The following GALNT2 variants were observed in gnomAD, a reference collection of about 807,000 sequenced individuals.
The protein encoded by GALNT2 is UDP-GalNAc:polypeptide N-acetylgalactosaminyltransferase 2.
GALNT2 carries 31 observed loss-of-function variants against 81.4 expected under a neutral mutation model. The observed-to-expected ratio is 0.38, with a 90% CI of 0.29 to 0.51. The LOEUF (loss-of-function observed/expected upper bound fraction) is 0.51. Among genes scored for constraint, GALNT2 ranks in the 20% least tolerant of loss-of-function variants. The pLI is 0.87. For missense variants in GALNT2, 629 were observed against 765.7 expected (o/e 0.82, Z 2.11); for synonymous variants, 303 against 287.4 (o/e 1.05, Z -0.55).
intron 1 of GALNT2, among the ~76,000 whole-genome samples, chr1:230,144,512 C>G (rs11122400): frequency 0.43 from 65,077 of 151,952 alleles, 14,177 homozygotes; most frequent in Non-Finnish European, 0.47. Context: ...ATAATTATGT[C>G]GACTTCAGTA....
Position 230,215,624 on chromosome 1 carries a change from C to T in GALNT2, c.374+12334C>T, listed in dbSNP as rs535232090. 4.6e-5 allele frequency among the ~76,000 whole-genome samples: 7 copies of T among 152,280 alleles called. No individual in the cohort carries two copies. In the South Asian group the frequency reaches 8.3e-4, roughly 18 times the overall value. On this transcript the variant is annotated intron_variant, in intron 3 of 15. Coordinates refer to ENST00000366672, the MANE Select transcript of GALNT2 (RefSeq NM_004481.5). ...TTGCCCTGAGCAATAATGTCTATCTCGAAGGAGAGTAAATGGAAATACAGG... is the reference window on the plus strand; with the variant it reads ...TTGCCCTGAGCAATAATGTCTATCTTGAAGGAGAGTAAATGGAAATACAGG...
At chr1:230,234,843 C>G (rs1664976182) in intron 3 of GALNT2, among the ~76,000 whole-genome samples, 1 of 152,160 alleles carries the variant, frequency 6.6e-6, no homozygotes, top group African/African-American at 2.4e-5. Context: ...TCTGCTGAGC[C>G]CGGTAAACCT....
intron 6 of GALNT2, among the ~76,000 whole-genome samples, chr1:230,240,562 A>T (rs1158022324): frequency 2.0e-5 from 3 of 152,210 alleles, no homozygotes; most frequent in Admixed American, 6.5e-5. Context: ...ACTGCACTCC[A>T]GCTTGAGTGA....
chr1:230,194,494 C>T (rs1226352071), intron 2 of GALNT2, among the ~76,000 whole-genome samples: 1 of 152,192 alleles, frequency 6.6e-6, no homozygotes, highest in African/African-American at 2.4e-5. Context: ...TAACCTGGGC[C>T]CATCCCCTCT....
At chr1:230,206,974 C>T (rs1002345372) in intron 3 of GALNT2, among the ~76,000 whole-genome samples, 1 of 151,840 alleles carries the variant, frequency 6.6e-6, no homozygotes, top group African/African-American at 2.4e-5. Flanking sequence ...CCCCCTGACC[C>T]CCACTCCAAA....
chr1:230,156,309 C>T (rs939970827), intron 1 of GALNT2, among the ~76,000 whole-genome samples: 1 of 151,796 alleles, frequency 6.6e-6, no homozygotes, highest in Non-Finnish European at 1.5e-5. Context: ...GGGGAGAAAA[C>T]TCCTTGCATT....
chr1:230,212,446 G>A (rs532429675), intron 3 of GALNT2, among the ~76,000 whole-genome samples: 5 of 152,284 alleles, frequency 3.3e-5, no homozygotes, highest in South Asian at 2.1e-4. Flanking sequence ...TCAGATTCTC[G>A]AAGAAAATGT....
chr1:230,081,656 C>T (rs1050341886), intron 1 of GALNT2, among the ~76,000 whole-genome samples: 3 of 152,172 alleles, frequency 2.0e-5, no homozygotes, highest in African/African-American at 7.2e-5. Context: ...CTAGTTCTGT[C>T]AATTAGAAAA....
intron 1 of GALNT2, among the ~76,000 whole-genome samples, chr1:230,151,060 T>C (rs1056034354): frequency 6.6e-6 from 1 of 152,198 alleles, no homozygotes; most frequent in African/African-American, 2.4e-5. Flanking sequence ...ACTACCTGGG[T>C]TGCCTGGAGC....
chr1:230,157,252 C>G (rs1662286419), intron 1 of GALNT2, among the ~76,000 whole-genome samples: 2 of 152,124 alleles, frequency 1.3e-5, no homozygotes, highest in Non-Finnish European at 1.5e-5. Context: ...TCGTAAGCAC[C>G]ATTATAGCAA....
intron 12 of GALNT2, 30 bp from the exon 13 acceptor site, chr1:230,262,892 A>G (rs766054067): frequency 6.3e-7 from 1 of 1,598,008 alleles, no homozygotes; most frequent in East Asian, 2.2e-5. Context: ...CTTAAAATTT[A>G]TAAAGGAATC....
Position 230,227,818 on chromosome 1 carries a change from G to A in GALNT2, c.375-8196G>A, listed in dbSNP as rs192740917. Among the ~76,000 whole-genome samples the A allele has an allele frequency of 3.6e-4, 55 of 152,256 alleles. 1 individual carries two copies. Among genetic ancestry groups the A allele is most frequent in the Admixed American group, 3.6e-3 (55 of 15,292 alleles). ...CTGCTTGTGTTCAATTTAAAGATAGGATCAAGGCAAGGTTGTTTTTTACCA... is the reference window on the plus strand; with the variant it reads ...CTGCTTGTGTTCAATTTAAAGATAGAATCAAGGCAAGGTTGTTTTTTACCA... On this transcript the variant is annotated intron_variant, in intron 3 of 15. Transcript: ENST00000366672.
Position 230,275,081 on chromosome 1 carries a change from C to A in GALNT2, c.1560+517C>A, listed in dbSNP as rs555430299. Among the ~76,000 whole-genome samples, 2 of 149,110 alleles carry A rather than the reference C, an allele frequency of 1.3e-5. No homozygotes were observed. The highest frequency in any genetic ancestry group is 3.0e-5 in the Non-Finnish European group (2 of 67,332). On this transcript the variant is annotated intron_variant, in intron 15 of 15. Transcript: ENST00000366672. This position sits in a 1 kb window ranked among gnomAD's most constrained non-coding sequence, Gnocchi z 5.5. ...ACATATATACGTATATATATACACA[C>A]CACATATATATACATGTATACACAC...
chr1:230,216,194 C>G (rs6541306), intron 3 of GALNT2, among the ~76,000 whole-genome samples: 2 of 152,026 alleles, frequency 1.3e-5, no homozygotes, highest in Admixed American at 1.3e-4. Flanking sequence ...CTTTGCCCCC[C>G]GTCGTGGAAC....
intron 14 of GALNT2, among the ~76,000 whole-genome samples, chr1:230,266,054 C>T (rs1161904197): frequency 6.6e-6 from 1 of 152,084 alleles, no homozygotes; most frequent in Non-Finnish European, 1.5e-5. Context: ...ATTAGCCAAG[C>T]GTGGTGGCGG....
At chr1:230,181,685 C>T (rs2102688583) in intron 2 of GALNT2, among the ~76,000 whole-genome samples, 1 of 152,240 alleles carries the variant, frequency 6.6e-6, no homozygotes, top group East Asian at 1.9e-4. Flanking sequence ...CCAGCACACC[C>T]AGCCATACCT....
Position 230,243,299 on chromosome 1 carries a change from T to C in GALNT2, c.608-7T>C, listed in dbSNP as rs772285690. The C allele has an allele frequency of 6.3e-7, 1 of 1,594,636 alleles. No individual in the cohort carries two copies. The highest frequency in any genetic ancestry group is 8.5e-7 in the Non-Finnish European group (1 of 1,173,178). ...CTCCTGACGTGCTTTCCAACTCGCC[T>C]CTGCAGGCCTCATGCGCTCACGGGT... On this transcript the variant is annotated splice_polypyrimidine_tract_variant and splice_region_variant and intron_variant, in intron 6 of 15. Transcript: ENST00000366672. This position sits in a 1 kb window ranked among gnomAD's most constrained non-coding sequence, Gnocchi z 4.2.
At chr1:230,187,598 C>G (rs1464412618) in intron 2 of GALNT2, among the ~76,000 whole-genome samples, 1 of 152,232 alleles carries the variant, frequency 6.6e-6, no homozygotes, top group Non-Finnish European at 1.5e-5. Flanking sequence ...TAGCTCAGTG[C>G]AAGGTCAGTG....
At chr1:230,057,823 G>A (rs887033253), upstream of GALNT2, among the ~76,000 whole-genome samples, 2 of 152,208 alleles carry the variant, frequency 1.3e-5, no homozygotes, top group Non-Finnish European at 2.9e-5. Flanking sequence ...GAGGAGCTGC[G>A]GGGCGTCTTG....
Sources: gnomAD v4.1 joint callset for allele counts (sites outside exome capture counted in the v4.1 genomes callset) on GRCh38, gnomAD v4.1.1 for gene constraint, Gnocchi (gnomAD v3.1) non-coding constraint, MANE v1.5 for transcripts, NCBI Gene and HGNC (gene_info 2026-07-23, HGNC 2026-07-21) for gene names.